FBXW8: variants seen among roughly 807,000 people sequenced by gnomAD.
The protein encoded by FBXW8 is F-box and WD repeat domain containing 8, also known as F-box/WD repeat-containing protein 8.
In FBXW8, 57 loss-of-function variants were observed where a neutral mutation model predicts 65.3. The ratio of observed to expected loss-of-function variants is 0.87; its 90% CI spans 0.71 to 1.09. The LOEUF (loss-of-function observed/expected upper bound fraction) is 1.09, where lower values mean the gene tolerates loss of function less well. FBXW8 is among the 50% of genes least tolerant of loss of function. FBXW8 has a pLI of 0.00. For missense variants in FBXW8, 777 were observed against 814.8 expected (o/e 0.95, Z 0.57); for synonymous variants, 308 against 330.2 (o/e 0.93, Z 0.73).
In FBXW8 at chr12:117,006,039, T is replaced by C. The variant is rs183435070; in HGVS notation, c.1240-4284T>C. The stretch of plus-strand genomic sequence containing the variant: ...AATTGAAAAAGCTTTTAAAATGCTA[T>C]TGTCTTGTAAGGAAGCCTTCCGACT... On this transcript the variant is annotated intron_variant, in intron 7 of 10. Transcript: ENST00000652555. Among the ~76,000 whole-genome samples the C allele has an allele frequency of 4.5e-3, 692 of 152,314 alleles. 6 individuals are homozygous for C. Among genetic ancestry groups the C allele is most frequent in the South Asian group, 0.014 (69 of 4,822 alleles).
At chr12:116,994,890 C>G (rs1157870703) in intron 7 of FBXW8, among the ~76,000 whole-genome samples, 1 of 152,196 alleles carries the variant, frequency 6.6e-6, no homozygotes, top group African/African-American at 2.4e-5. Context: ...CTTGCTGGGT[C>G]AAAGGGACAT....
chr12:116,987,441 G>A (rs1242411699), intron 6 of FBXW8: 1 of 152,270 alleles, frequency 6.6e-6, no homozygotes, highest in Non-Finnish European at 1.5e-5. Context: ...TGAAAAGTGC[G>A]TCTCAGACTC....
At chr12:117,007,283 G>C (rs1231545782) in intron 7 of FBXW8, among the ~76,000 whole-genome samples, 1 of 151,680 alleles carries the variant, frequency 6.6e-6, no homozygotes, top group Non-Finnish European at 1.5e-5. Flanking sequence ...CAGATGAATA[G>C]AGAACTTTCT....
chr12:116,943,565 G>C (rs559471764), intron 2 of FBXW8, among the ~76,000 whole-genome samples: 1 of 152,112 alleles, frequency 6.6e-6, no homozygotes, highest in Non-Finnish European at 1.5e-5. Context: ...TCTGTATATT[G>C]GGGTACTGCT....
At chr12:116,996,616 A>G (rs1477876776) in intron 7 of FBXW8, among the ~76,000 whole-genome samples, 2 of 152,210 alleles carry the variant, frequency 1.3e-5, no homozygotes, top group East Asian at 3.9e-4. Context: ...TTGAAAGTTC[A>G]CAAAGTAAAT....
intron 4 of FBXW8, among the ~76,000 whole-genome samples, chr12:116,957,894 C>T (rs1440011969): frequency 1.3e-5 from 2 of 152,282 alleles, no homozygotes; most frequent in East Asian, 3.9e-4. Context: ...TAGAGGAGAG[C>T]ATTACATTTA....
intron 2 of FBXW8, among the ~76,000 whole-genome samples, chr12:116,939,169 A>C (rs974000389): frequency 6.6e-6 from 1 of 152,230 alleles, no homozygotes; most frequent in African/African-American, 2.4e-5. Context: ...CTTCTTATAC[A>C]GGTTGAACTT....
At chr12:116,923,529 T>G (rs534633599) in intron 1 of FBXW8, among the ~76,000 whole-genome samples, 5 of 151,828 alleles carry the variant, frequency 3.3e-5, no homozygotes, top group African/African-American at 4.8e-5. Flanking sequence ...TTCTTTTTTT[T>G]TTTGTTTTGA....
At chr12:116,948,133 C>T (rs1055307712) in intron 3 of FBXW8, among the ~76,000 whole-genome samples, 7 of 152,224 alleles carry the variant, frequency 4.6e-5, no homozygotes, top group Non-Finnish European at 7.3e-5. Flanking sequence ...ATGAAGTTAT[C>T]TGGAATTGCA....
At chr12:117,018,691 C>T (rs1954016860) in intron 8 of FBXW8, among the ~76,000 whole-genome samples, 3 of 152,056 alleles carry the variant, frequency 2.0e-5, no homozygotes, top group Admixed American at 6.6e-5. Context: ...CTGGTTTGGC[C>T]TATTTTTTTT....
intron 2 of FBXW8, among the ~76,000 whole-genome samples, chr12:116,940,506 T>TG (rs397782247): frequency 6.7e-6 from 1 of 148,800 alleles, no homozygotes; most frequent in African/African-American, 2.5e-5. Context: ...TTTTTTTTTT[T>TG]CCTTCCAGTT....
intron 4 of FBXW8, among the ~76,000 whole-genome samples, chr12:116,959,770 A>G (rs181729668): frequency 7.9e-5 from 12 of 152,328 alleles, no homozygotes; most frequent in Non-Finnish European, 1.0e-4. Flanking sequence ...GAGAGGCTCT[A>G]TTCCCATTCT....
rs866638329 is a variant in FBXW8, at chr12:116,939,531, T to C, written c.424-5833T>C. Among the ~76,000 whole-genome samples, 20 of 152,346 alleles carry C rather than the reference T, an allele frequency of 1.3e-4. No individual in the cohort carries two copies. The Middle Eastern group carries it at 0.027, about 207-fold the overall frequency. ...GGAGGTGTTGTTCTACTGAATATGC[T>C]TTTGGTCCATGTAATTAAAGAATGG... is the stretch of plus-strand genomic sequence containing the variant. On this transcript the variant is annotated intron_variant, in intron 2 of 10. Transcript: ENST00000652555.
intron 7 of FBXW8, among the ~76,000 whole-genome samples, chr12:117,003,716 A>G (rs1234145601): frequency 6.6e-6 from 1 of 152,186 alleles, no homozygotes. Flanking sequence ...AGTCTTTTAC[A>G]GTTCTAGCTT....
intron 2 of FBXW8, 137 bp from the exon 3 acceptor site, chr12:116,945,227 C>T (rs1882850324): frequency 2.7e-6 from 2 of 729,408 alleles, no homozygotes; most frequent in South Asian, 2.7e-5. Flanking sequence ...TTTTTTCCAC[C>T]TCATAGTGTT....
intron 1 of FBXW8, among the ~76,000 whole-genome samples, chr12:116,921,846 T>A (rs993648922): frequency 3.5e-5 from 5 of 144,798 alleles, no homozygotes; most frequent in Non-Finnish European, 6.0e-5. Flanking sequence ...TTTTTTTTTT[T>A]AGACAGGCTC....
At chr12:117,000,027 G>T (rs567220931) in intron 7 of FBXW8, among the ~76,000 whole-genome samples, 1 of 148,894 alleles carries the variant, frequency 6.7e-6, no homozygotes, top group African/African-American at 2.5e-5. Context: ...TGTCTCCCAG[G>T]CTGGAGCGCA....
rs774749274 is a variant in FBXW8 at position 116,945,521 on chromosome 12, A to C, written c.581A>C (p.Asn194Thr). The C allele has an allele frequency of 2.5e-6, 4 of 1,613,590 alleles. No homozygotes were observed. The South Asian group carries it at 4.4e-5, about 18-fold the overall frequency. Reference sequence around the variant, plus strand: ...GCCAAGGAACACATGTTACGAACCAACTGGAAGGTGGGCAGTGGCCAATAT... The same window carrying C: ...GCCAAGGAACACATGTTACGAACCACCTGGAAGGTGGGCAGTGGCCAATAT... ...CRAKEHMLRT[N>T]WKNRKGAVSE... is the part of the protein sequence containing the mutation. Residue 194 changes from asparagine (N) to threonine (T), a missense_variant, in exon 3 of 11, where the codon AAC (asparagine) becomes ACC (threonine). Transcript: ENST00000652555.
At chr12:116,949,562 G>A in intron 3 of FBXW8, 56 bp from the exon 4 acceptor site, 1 of 1,509,594 alleles carries the variant, frequency 6.6e-7, no homozygotes, top group Non-Finnish European at 9.2e-7. Flanking sequence ...CACGATGCTT[G>A]GCTTTCGGGC....
Sources: allele counts gnomAD v4.1 joint callset (sites outside exome capture counted in the v4.1 genomes callset), GRCh38; gene constraint gnomAD v4.1.1; transcripts MANE v1.5; gene names NCBI Gene and HGNC (gene_info 2026-07-23, HGNC 2026-07-21).